The following ANO2 variants were observed in gnomAD, a reference collection of about 807,000 sequenced individuals.
ANO2 encodes the protein anoctamin-2.
Under a neutral mutation model 124.2 loss-of-function variants are expected in ANO2, and 101 were observed. The ratio of observed to expected loss-of-function variants is 0.81; its 90% CI spans 0.69 to 0.96. The LOEUF (loss-of-function observed/expected upper bound fraction) is 0.96. Among genes scored for constraint, ANO2 ranks in the 40% least tolerant of loss-of-function variants. The probability of loss-of-function intolerance (pLI) is 0.00; values close to 1 mark genes in which losing one functional copy is unlikely to be tolerated. For missense variants in ANO2, 1,293 were observed against 1,274.5 expected, an observed-to-expected ratio of 1.01 and a Z score of -0.22; for synonymous variants, 486 against 482.5, an observed-to-expected ratio of 1.01 and a Z score of -0.09.
At chr12:5,797,934 G>T (rs1388842527) in intron 10 of ANO2, among the ~76,000 whole-genome samples, 1 of 152,230 alleles carries the variant, frequency 6.6e-6, no homozygotes, top group African/African-American at 2.4e-5. Flanking sequence ...CTGCAGGTGA[G>T]GCTGCTTTGG....
chr12:5,612,534 A>T, intron 19 of ANO2, 122 bp downstream of exon 19: 1 of 788,690 alleles, frequency 1.3e-6, no homozygotes. Context: ...GCAAATTGAC[A>T]GAGAATTAAA....
At position 5,945,201 on chromosome 12, in the gene ANO2, G is replaced by A. The variant is rs914025517; in HGVS notation, c.17C>T (p.Pro6Leu). The stretch of plus-strand genomic sequence containing the variant: ...GGTCCAGCCGGAAAACTCACCGCGC[G>A]GCCCGGGAGTCGCCATGATGTGGAC... MATPG[P>L]RDIPLLPGSP... The change falls in exon 1 of 25, where the codon CCG becomes CTG. Residue 6 changes from proline (P) to leucine (L), a missense_variant. By Grantham distance (98) the Pro-to-Leu change is moderately conservative (BLOSUM62 -3). Coordinates refer to ENST00000682330, the MANE Select transcript of ANO2 (RefSeq NM_001364791.2). The A allele has an allele frequency of 5.4e-6, 7 of 1,288,576 alleles. No homozygotes were observed. The East Asian group carries it at 1.7e-4, about 31-fold the overall frequency. 79.8% of individuals were successfully genotyped at this position (1,288,576 alleles called of 1,614,324 possible). A position where few individuals can be genotyped will look rare whatever the true frequency, so the allele number is the denominator to read the frequency against.
chr12:5,911,036 G>A (rs1187890800), intron 3 of ANO2, among the ~76,000 whole-genome samples: 1 of 152,184 alleles, frequency 6.6e-6, no homozygotes, highest in Non-Finnish European at 1.5e-5. Flanking sequence ...GAGGGAAGTT[G>A]ATTTCACCCA....
At chr12:5,639,020 C>CCT (rs775272372) in intron 15 of ANO2, among the ~76,000 whole-genome samples, 1 of 152,132 alleles carries the variant, frequency 6.6e-6, no homozygotes, top group Non-Finnish European at 1.5e-5. Context: ...GAGTCACAGG[C>CCT]CTCCGTTCAC....
At chr12:5,811,772 T>C (rs1482714551) in intron 7 of ANO2, among the ~76,000 whole-genome samples, 1 of 152,198 alleles carries the variant, frequency 6.6e-6, no homozygotes, top group Non-Finnish European at 1.5e-5. Context: ...GGAGGCATCA[T>C]GATCACTCCC....
At chr12:5,749,368 CAG>C (rs1951371765) in intron 11 of ANO2, among the ~76,000 whole-genome samples, 1 of 152,202 alleles carries the variant, frequency 6.6e-6, no homozygotes, top group Admixed American at 6.5e-5. Context: ...CTAAGTCAAA[CAG>C]AGTCATAGTA....
rs992115597 is a variant in ANO2, at chr12:5,925,226, A to G, written c.23-2422T>C. The stretch of plus-strand genomic sequence containing the variant: ...ACATTCAGATTTGCACCTGTGGCTC[A>G]GAGTAGCTCAGATTCAAGGGCAATG... On this transcript the variant is annotated intron_variant, in intron 1 of 24. Transcript: ENST00000682330. The surrounding 1 kb of genome is among the most constrained non-coding windows in gnomAD (Gnocchi z 4.6). Among the ~76,000 whole-genome samples, 1 of 152,222 alleles carries G rather than the reference A, an allele frequency of 6.6e-6. No individual in the cohort carries two copies. The highest frequency in any genetic ancestry group is 2.4e-5 in the African/African-American group (1 of 41,458).
intron 14 of ANO2, among the ~76,000 whole-genome samples, chr12:5,699,926 T>C (rs1036578945): frequency 3.3e-5 from 5 of 152,068 alleles, no homozygotes; most frequent in Non-Finnish European, 5.9e-5. Flanking sequence ...ACAGGAGCAC[T>C]CAGATTCATA....
intron 19 of ANO2, among the ~76,000 whole-genome samples, chr12:5,612,414 C>T (rs370030639): frequency 2.6e-5 from 4 of 152,290 alleles, no homozygotes; most frequent in African/African-American, 7.2e-5. Flanking sequence ...TGACTCCTGG[C>T]TCTGCTACTT....
intron 13 of ANO2, chr12:5,733,052 C>A: frequency 2.8e-6 from 2 of 704,790 alleles, no homozygotes; most frequent in Non-Finnish European, 5.1e-6. Context: ...CAACTCCCAG[C>A]TGGAGAAACA....
chr12:5,694,838 C>T (rs939804586), intron 14 of ANO2, among the ~76,000 whole-genome samples: 2 of 151,924 alleles, frequency 1.3e-5, no homozygotes, highest in Admixed American at 6.6e-5. Flanking sequence ...TCAGAGATGG[C>T]CTGAATTCAG....
chr12:5,637,939 C>T (rs1387147954), intron 15 of ANO2, among the ~76,000 whole-genome samples: 1 of 152,136 alleles, frequency 6.6e-6, no homozygotes, highest in African/African-American at 2.4e-5. Context: ...AAGAAACGGG[C>T]ATGGAAAAGT....
chr12:5,742,280 T>G (rs146708558), intron 12 of ANO2, among the ~76,000 whole-genome samples: 1 of 152,348 alleles, frequency 6.6e-6, no homozygotes, highest in Non-Finnish European at 1.5e-5. Context: ...GGCATTACTA[T>G]TATTTTTAAT....
At chr12:5,816,243 G>T (rs927046295) in intron 7 of ANO2, among the ~76,000 whole-genome samples, 2 of 151,418 alleles carry the variant, frequency 1.3e-5, no homozygotes, top group African/African-American at 4.9e-5. Context: ...AAGCCAGAAA[G>T]AAAGGCAATA....
intron 14 of ANO2, among the ~76,000 whole-genome samples, chr12:5,674,505 G>A (rs143575459): frequency 1.2e-3 from 183 of 152,296 alleles, no homozygotes; most frequent in African/African-American, 4.3e-3. Flanking sequence ...CAAGCAGCAC[G>A]GTCTCACATA....
At chr12:5,750,272 C>T (rs1054088418) in intron 11 of ANO2, among the ~76,000 whole-genome samples, 1 of 152,188 alleles carries the variant, frequency 6.6e-6, no homozygotes, top group African/African-American at 2.4e-5. Flanking sequence ...CTCATAAAAA[C>T]TAGCTTTGAT....
intron 3 of ANO2, among the ~76,000 whole-genome samples, chr12:5,913,522 G>A (rs1941181591): frequency 6.6e-6 from 1 of 152,226 alleles, no homozygotes; most frequent in Non-Finnish European, 1.5e-5. Flanking sequence ...GCTGACCTCT[G>A]CAGAGAATCT....
chr12:5,610,859 CAA>C (rs3066955), intron 19 of ANO2, among the ~76,000 whole-genome samples: 18,280 of 141,202 alleles, frequency 0.13, 1,317 homozygotes, highest in East Asian at 0.18. Flanking sequence ...CACACACACA[CAA>C]CCCTAAGGGA....
chr12:5,829,945 G>C (rs550638486), intron 6 of ANO2, among the ~76,000 whole-genome samples: 1 of 152,278 alleles, frequency 6.6e-6, no homozygotes, highest in East Asian at 1.9e-4. Context: ...AGCATTCCTT[G>C]TTATAGAAAT....
Sources: gnomAD v4.1 joint callset for allele counts (sites outside exome capture counted in the v4.1 genomes callset) on GRCh38, gnomAD v4.1.1 for gene constraint, Gnocchi (gnomAD v3.1) non-coding constraint, MANE v1.5 for transcripts, NCBI Gene and HGNC (gene_info 2026-07-23, HGNC 2026-07-21) for gene names.